Variants in STAU2 observed in about 807,000 individuals in gnomAD.
STAU2 encodes the protein staufen double-stranded RNA binding protein 2, also known as double-stranded RNA-binding protein Staufen homolog 2.
STAU2 carries 20 observed loss-of-function variants against 65.9 expected under a neutral mutation model. The ratio of observed to expected loss-of-function variants is 0.30; its 90% CI spans 0.21 to 0.44. STAU2 has a LOEUF of 0.44. STAU2 is among the 20% of genes least tolerant of loss of function. STAU2 has a pLI of 1.00. For missense variants in STAU2, 558 were observed against 683.9 expected (o/e 0.82, Z 2.05); for synonymous variants, 232 against 233.9 (o/e 0.99, Z 0.07).
intron 10 of STAU2, among the ~76,000 whole-genome samples, chr8:73,595,864 C>T (rs935084974): frequency 6.6e-6 from 1 of 152,092 alleles, no homozygotes; most frequent in Non-Finnish European, 1.5e-5. Context: ...CAGCTGTAAT[C>T]CCACTTTGGG....
chr8:73,730,449 G>C (rs1421498972), intron 3 of STAU2, among the ~76,000 whole-genome samples: 1 of 152,162 alleles, frequency 6.6e-6, no homozygotes, highest in Non-Finnish European at 1.5e-5. Flanking sequence ...TATTTTGGCA[G>C]GGTGCAGTGG....
Position 73,688,714 on chromosome 8 carries a change from C to A in STAU2, c.214G>T (p.Glu72Ter). 1 of 1,614,124 alleles carries A rather than the reference C, an allele frequency of 6.2e-7. No homozygotes were observed. Among genetic ancestry groups the A allele is most frequent in the Non-Finnish European group, 8.5e-7 (1 of 1,180,032 alleles). ...TGAACTGGTTTGGGAAGCGTAGATT[C>A]AGTCAAAGCTTTATTGGCAACAGCC... ...QQAVANKALT[E>*]STLPKPVQKP... Residue 72 changes from glutamate (E) to a stop codon, truncating the protein, a stop_gained, in exon 5 of 15, where the codon GAA becomes TAA. Transcript: ENST00000524300. LOFTEE classifies it high-confidence loss of function.
At chr8:73,575,160 C>G (rs927055042) in intron 12 of STAU2, among the ~76,000 whole-genome samples, 1 of 150,102 alleles carries the variant, frequency 6.7e-6, no homozygotes, top group Non-Finnish European at 1.5e-5. Context: ...AAAAGACTAA[C>G]CAATCTAATG....
intron 13 of STAU2, among the ~76,000 whole-genome samples, chr8:73,469,101 T>TA (rs1819825083): frequency 6.6e-6 from 1 of 152,110 alleles, no homozygotes; most frequent in Non-Finnish European, 1.5e-5. Flanking sequence ...GTGGCACACA[T>TA]ACACCATGGA....
chr8:73,676,354 A>T (rs774751829), intron 5 of STAU2, among the ~76,000 whole-genome samples: 64 of 152,216 alleles, frequency 4.2e-4, no homozygotes, highest in Non-Finnish European at 7.8e-4. Context: ...GAATGTCCAT[A>T]TATTTTTTAA....
chr8:73,510,631 C>T (rs1205394574), intron 13 of STAU2, among the ~76,000 whole-genome samples: 1 of 152,188 alleles, frequency 6.6e-6, no homozygotes, highest in African/African-American at 2.4e-5. Context: ...CAGGAAACTT[C>T]AATCACGGCG....
At chr8:73,703,218 G>A (rs1820247946) in intron 4 of STAU2, among the ~76,000 whole-genome samples, 1 of 152,086 alleles carries the variant, frequency 6.6e-6, no homozygotes, top group Non-Finnish European at 1.5e-5. Flanking sequence ...CCATCCCTTG[G>A]TACTGTCCTC....
intron 6 of STAU2, among the ~76,000 whole-genome samples, chr8:73,622,354 C>CT (rs1813326063): frequency 6.6e-6 from 1 of 152,026 alleles, no homozygotes; most frequent in Non-Finnish European, 1.5e-5. Flanking sequence ...TCTCAATCTC[C>CT]GACCTTGTGA....
At chr8:73,689,094 T>C (rs906881935) in intron 4 of STAU2, among the ~76,000 whole-genome samples, 25 of 152,190 alleles carry the variant, frequency 1.6e-4, no homozygotes, top group African/African-American at 6.0e-4. Flanking sequence ...GGAATCACAA[T>C]GTTAATGTCA....
At chr8:73,482,055 G>A (rs992899338) in intron 13 of STAU2, among the ~76,000 whole-genome samples, 3 of 152,056 alleles carry the variant, frequency 2.0e-5, no homozygotes, top group East Asian at 1.9e-4. Flanking sequence ...TTTTGGCTGC[G>A]GCTGGTTTAT....
At chr8:73,468,695 T>C (rs1176886724) in intron 13 of STAU2, among the ~76,000 whole-genome samples, 2 of 152,076 alleles carry the variant, frequency 1.3e-5, no homozygotes, top group African/African-American at 2.4e-5. Context: ...CCAACAGACA[T>C]ATGAAAAAAT....
In STAU2 at chr8:73,739,795, GTTC is replaced by G. The variant is rs1236450424; in HGVS notation, c.-126_-124del. 4.6e-6 allele frequency: 7 copies of G among 1,526,516 alleles called. No individual in the cohort carries two copies. Among genetic ancestry groups the G allele is most frequent in the Middle Eastern group, 2.1e-4 (1 of 4,664 alleles). 94.6% of individuals were successfully genotyped at this position (1,526,516 alleles called of 1,614,324 possible). On this transcript the variant is annotated 5_prime_UTR_variant, in exon 2 of 15. Coordinates refer to ENST00000524300, the MANE Select transcript of STAU2 (RefSeq NM_001164380.2). The stretch of plus-strand genomic sequence containing the variant: ...TTCAAATTACTTTGTGTATCTTTGA[GTTC>G]TTCTTTTTCTGTCTTCTTTTTTTTC...
rs552920332 is a variant in STAU2, at chr8:73,583,957, AATAG to A, written c.1162-1131_1162-1128del. Among the ~76,000 whole-genome samples the A allele has an allele frequency of 1.1e-4, 17 of 152,342 alleles. 1 individual carries two copies. In the East Asian group the frequency reaches 3.3e-3, roughly 29 times the overall value. Reference sequence around the variant, plus strand: ...TATTTATGTTAACGGTCAAAGGTCAAATAGATAATTAAGCCTAGATATAAACACA... The same window carrying A: ...TATTTATGTTAACGGTCAAAGGTCAAATAATTAAGCCTAGATATAAACACA... On this transcript the variant is annotated intron_variant, in intron 11 of 14. Transcript: ENST00000524300.
intron 4 of STAU2, among the ~76,000 whole-genome samples, chr8:73,689,988 A>C (rs1819209598): frequency 6.6e-6 from 1 of 151,192 alleles, no homozygotes; most frequent in Admixed American, 6.6e-5. Flanking sequence ...CAAAAATGTC[A>C]ATGTCATAAA....
At chr8:73,467,149 C>T (rs1409646911) in intron 13 of STAU2, among the ~76,000 whole-genome samples, 1 of 152,240 alleles carries the variant, frequency 6.6e-6, no homozygotes, top group Non-Finnish European at 1.5e-5. Flanking sequence ...GGGCAGAAGT[C>T]TCACTTTTTA....
chr8:73,458,415 T>C (rs945926701), intron 13 of STAU2, among the ~76,000 whole-genome samples: 1 of 152,258 alleles, frequency 6.6e-6, no homozygotes, highest in Non-Finnish European at 1.5e-5. Context: ...GGCTTAATCC[T>C]GTCTAGTAAG....
At chr8:73,619,074 A>G (rs1207413623) in intron 6 of STAU2, among the ~76,000 whole-genome samples, 1 of 152,190 alleles carries the variant, frequency 6.6e-6, no homozygotes, top group Non-Finnish European at 1.5e-5. Flanking sequence ...GGACTTCAGG[A>G]AAGAGGTCCA....
At chr8:73,447,816 G>C (rs1306190931) in intron 13 of STAU2, among the ~76,000 whole-genome samples, 1 of 152,156 alleles carries the variant, frequency 6.6e-6, no homozygotes, top group Admixed American at 6.5e-5. Context: ...TGGGTGGCTA[G>C]GGGACACTTC....
intron 5 of STAU2, among the ~76,000 whole-genome samples, chr8:73,675,152 G>A (rs1427124122): frequency 1.3e-5 from 2 of 151,894 alleles, no homozygotes; most frequent in Non-Finnish European, 2.9e-5. Flanking sequence ...CACTCAAAAA[G>A]CATGCAAATA....
Sources: allele counts gnomAD v4.1 joint callset (sites outside exome capture counted in the v4.1 genomes callset), GRCh38; gene constraint gnomAD v4.1.1; transcripts MANE v1.5; gene names NCBI Gene and HGNC (gene_info 2026-07-23, HGNC 2026-07-21).